SLC5A5: variants seen among roughly 807,000 people sequenced by gnomAD.
SLC5A5 encodes sodium/iodide cotransporter.
Under a neutral mutation model 68.6 loss-of-function variants are expected in SLC5A5, and 56 were observed. The observed-to-expected ratio is 0.82, with a 90% CI of 0.66 to 1.02. SLC5A5 has a LOEUF of 1.02. SLC5A5 is among the 50% of genes least tolerant of loss of function. The pLI, the probability that SLC5A5 is intolerant of heterozygous loss-of-function variation, is 0.00. For missense variants in SLC5A5, 807 were observed against 859.8 expected, an observed-to-expected ratio of 0.94 and a Z score of 0.77; for synonymous variants, 398 against 373.0, an observed-to-expected ratio of 1.07 and a Z score of -0.77.
At chr19:17,891,941 C>G (rs1177150775) in intron 14 of SLC5A5, among the ~76,000 whole-genome samples, 1 of 152,110 alleles carries the variant, frequency 6.6e-6, no homozygotes, top group Non-Finnish European at 1.5e-5. Context: ...CAGGTGAAAA[C>G]TAAAAAGAGA....
chr19:17,872,186 C>G lies in SLC5A5; in HGVS notation c.-134C>G, dbSNP rs1357401366. The G allele has an allele frequency of 4.4e-6, 3 of 674,956 alleles. No individual in the cohort carries two copies. Among genetic ancestry groups the G allele is most frequent in the Non-Finnish European group, 7.5e-6 (3 of 400,010 alleles). 41.8% of individuals were successfully genotyped at this position (674,956 alleles called of 1,614,324 possible). A position where few individuals can be genotyped will look rare whatever the true frequency, so the allele number is the denominator to read the frequency against. On this transcript the variant is annotated 5_prime_UTR_variant, in exon 1 of 15. Coordinates refer to ENST00000222248, the MANE Select transcript of SLC5A5 (RefSeq NM_000453.3). ...CGGCCCCTCTCGCCGCTTCCCACCCCAGACGGAGCGGGGACAGGCTGCCGA... is the reference window on the plus strand; with the variant it reads ...CGGCCCCTCTCGCCGCTTCCCACCCGAGACGGAGCGGGGACAGGCTGCCGA...
intron 12 of SLC5A5, among the ~76,000 whole-genome samples, chr19:17,884,511 C>T (rs1038525391): frequency 3.3e-5 from 5 of 151,716 alleles, no homozygotes; most frequent in Admixed American, 1.3e-4. Context: ...GTGGCTCACA[C>T]CTGTAATCCC....
chr19:17,887,609 T>G (rs1472824321), intron 12 of SLC5A5, among the ~76,000 whole-genome samples: 1 of 148,652 alleles, frequency 6.7e-6, no homozygotes, highest in Non-Finnish European at 1.5e-5. Context: ...TTTTTTTTTT[T>G]TTTTTTGAGA....
At chr19:17,892,361 C>T (rs191398420) in intron 14 of SLC5A5, among the ~76,000 whole-genome samples, 9 of 151,778 alleles carry the variant, frequency 5.9e-5, no homozygotes, top group African/African-American at 1.7e-4. Context: ...AAGAGCCAGG[C>T]GTGATGGCTC....
chr19:17,874,780 G>T, intron 4 of SLC5A5, 49 bp downstream of exon 4: 2 of 1,569,362 alleles, frequency 1.3e-6, no homozygotes, highest in Admixed American at 3.4e-5. Context: ...GGCCCACTGT[G>T]TCTCTTGTGG....
At chr19:17,877,114 G>A (rs376371672) in intron 5 of SLC5A5, among the ~76,000 whole-genome samples, 1 of 151,680 alleles carries the variant, frequency 6.6e-6, no homozygotes, top group Non-Finnish European at 1.5e-5. Context: ...TGCTCCAGGA[G>A]GCCCTCGCTG....
rs1433305568 is a variant in SLC5A5 at position 17,874,355 on chromosome 19, G to A, written c.424-139G>A. 6.0e-6 allele frequency: 4 copies of A among 664,660 alleles called. No individual in the cohort carries two copies. The African/African-American group carries it at 6.6e-5, about 11-fold the overall frequency. The allele number at this position is 664,660 out of a possible 1,614,324, so 41.2% of individuals were successfully genotyped here. Reference sequence around the variant, plus strand: ...ATCAGTCCCCTCCCACACCACAGCCGGCCTGACCCCGCCTGCACTCTGGAA... The same window carrying A: ...ATCAGTCCCCTCCCACACCACAGCCAGCCTGACCCCGCCTGCACTCTGGAA... On this transcript the variant is annotated intron_variant, in intron 2 of 14. Transcript: ENST00000222248.
intron 8 of SLC5A5, among the ~76,000 whole-genome samples, chr19:17,881,324 T>G (rs1251785795): frequency 6.6e-6 from 1 of 151,962 alleles, no homozygotes; most frequent in African/African-American, 2.4e-5. Flanking sequence ...TGGAGTGCAG[T>G]GGTGCCATCT....
At chr19:17,883,062 C>T (rs1266221557) in intron 10 of SLC5A5, among the ~76,000 whole-genome samples, 20 of 152,032 alleles carry the variant, frequency 1.3e-4, no homozygotes, top group Admixed American at 1.3e-3. Context: ...TCAAGTGATC[C>T]ACCCGCCTCT....
chr19:17,874,155 C>T lies in SLC5A5; in HGVS notation c.375C>T (p.Phe125=), dbSNP rs191065502. Residue 125 remains phenylalanine, a synonymous_variant, in exon 2 of 15, where the codon TTC becomes TTT. Transcript: ENST00000222248. ...CCTTGCAGTACCTGGAGATGCGCTT[C>T]AGCCGCGCAGTGCGGCTCTGCGGGA... ...TSTYEYLEMR[F]SRAVRLCGTL... is the part of the protein sequence containing the mutation. 3.2e-5 allele frequency: 52 copies of T among 1,612,318 alleles called. No homozygotes were observed. In the African/African-American group the frequency reaches 6.3e-4, roughly 19 times the overall value.
rs768847043 is a variant in SLC5A5, at chr19:17,882,031, G to A, written c.1130G>A (p.Ser377Asn). ...GACCTCATCAAACCTCGGCTGCGGA[G>A]CCTGGCACCCAGGAAACTCGTGATT... ...VEDLIKPRLR[S>N]LAPRKLVIIS... Residue 377 changes from serine to asparagine, a missense_variant, in exon 9 of 15, where the codon AGC becomes AAC. Ser to Asn is a conservative substitution (Grantham distance 46). Transcript: ENST00000222248. The A allele has an allele frequency of 6.2e-7, 1 of 1,614,210 alleles. No homozygotes were observed. The highest frequency in any genetic ancestry group is 8.5e-7 in the Non-Finnish European group (1 of 1,180,006).
At chr19:17,874,780 GTC>G (rs1568419116) in intron 4 of SLC5A5, 49 bp downstream of exon 4, 1 of 1,569,362 alleles carries the variant, frequency 6.4e-7, no homozygotes, top group Non-Finnish European at 8.8e-7. Context: ...GGCCCACTGT[GTC>G]TCTTGTGGGG....
At position 17,876,866 on chromosome 19, in the gene SLC5A5, T is replaced by C. The variant is rs1021412078; in HGVS notation, c.698+760T>C. On this transcript the variant is annotated intron_variant, in intron 5 of 14. Coordinates refer to ENST00000222248, the MANE Select transcript of SLC5A5 (RefSeq NM_000453.3). ...ACAGAGAGAGACTCCGTCCCCCCCC[T>C]AAAAAAAAAAAAAATTAGCAGGGCG... Among the ~76,000 whole-genome samples, 4 of 114,080 alleles carry C rather than the reference T, an allele frequency of 3.5e-5. No homozygotes were observed. In the East Asian group the frequency reaches 8.8e-4, roughly 25 times the overall value. The allele number at this position is 114,080 out of a possible 152,430, so 74.8% of individuals were successfully genotyped here.
intron 8 of SLC5A5, 73 bp downstream of exon 8, chr19:17,881,026 T>G: frequency 1.8e-6 from 2 of 1,118,124 alleles, no homozygotes; most frequent in Non-Finnish European, 2.7e-6. Flanking sequence ...CTGCCATCCC[T>G]CTGGGGCATG....
chr19:17,880,023 C>T (rs1473041230), intron 7 of SLC5A5, among the ~76,000 whole-genome samples: 4 of 151,868 alleles, frequency 2.6e-5, no homozygotes, highest in Admixed American at 6.6e-5. Flanking sequence ...CCTCAGCCCC[C>T]GAGTAGCTGG....
chr19:17,873,399 G>A (rs1470837260), intron 1 of SLC5A5, among the ~76,000 whole-genome samples: 1 of 152,054 alleles, frequency 6.6e-6, no homozygotes, highest in East Asian at 1.9e-4. Flanking sequence ...AGGTTGCAGT[G>A]AGCCGATATC....
At chr19:17,877,163 G>C (rs1027006898) in intron 5 of SLC5A5, among the ~76,000 whole-genome samples, 2 of 152,068 alleles carry the variant, frequency 1.3e-5, no homozygotes, top group Non-Finnish European at 2.9e-5. Flanking sequence ...GGGGGCTAAA[G>C]CCTCTCTGAA....
At chr19:17,878,140 C>T (rs745861935) in intron 7 of SLC5A5, 47 bp downstream of exon 7, 3 of 1,596,986 alleles carry the variant, frequency 1.9e-6, no homozygotes, top group East Asian at 2.2e-5. Context: ...CCCTCACTAG[C>T]TTGGTGGGAT....
chr19:17,878,100 C>A lies in SLC5A5; in HGVS notation c.969+7C>A. On this transcript the variant is annotated splice_region_variant and intron_variant, in intron 7 of 14. Transcript: ENST00000222248. ...CATCTCTGCCCCAGACCAGGTGAGT[C>A]CCACCCAGGCTCCTGGTTGGCTCTG... 1 of 1,609,958 alleles carries A rather than the reference C, an allele frequency of 6.2e-7. No homozygotes were observed. The highest frequency in any genetic ancestry group is 1.1e-5 in the South Asian group (1 of 91,060).
Sources: gnomAD v4.1 joint callset for allele counts (sites outside exome capture counted in the v4.1 genomes callset) on GRCh38, gnomAD v4.1.1 for gene constraint, MANE v1.5 for transcripts, NCBI Gene and HGNC (gene_info 2026-07-23, HGNC 2026-07-21) for gene names.